AURKA: variants seen among roughly 807,000 people sequenced by gnomAD.
The protein encoded by AURKA is aurora kinase A.
In AURKA, 12 loss-of-function variants were observed where a neutral mutation model predicts 40.9. The ratio of observed to expected loss-of-function variants is 0.29; its 90% CI spans 0.19 to 0.48. The LOEUF (loss-of-function observed/expected upper bound fraction) is 0.48. AURKA is among the 20% of genes least tolerant of loss of function. The pLI is 0.99. For synonymous variants in AURKA, 170 were observed against 164.3 expected (o/e 1.03, Z -0.26); for missense variants, 322 against 462.1 (o/e 0.70, Z 2.78).
At position 56,388,142 on chromosome 20, in the gene AURKA, A is replaced by T. The variant is rs185144846; in HGVS notation, c.42+14T>A. On this transcript the variant is annotated intron_variant, in intron 2 of 8. Coordinates refer to ENST00000395915, the MANE Select transcript of AURKA (RefSeq NM_198437.3). Reference sequence around the variant, plus strand: ...TTTATAAATGTGAATGAGATTACAGATTATTCAATTTACCTTAACAGGTCC... The same window carrying T: ...TTTATAAATGTGAATGAGATTACAGTTTATTCAATTTACCTTAACAGGTCC... 112 of 1,613,770 alleles carry T rather than the reference A, an allele frequency of 6.9e-5. No individual in the cohort carries two copies. In the African/African-American group the frequency reaches 1.1e-3, roughly 17 times the overall value.
chr20:56,390,801 G>A (rs73913923), intron 1 of AURKA: 1 of 152,288 alleles, frequency 6.6e-6, no homozygotes, highest in African/African-American at 2.4e-5. Flanking sequence ...ACAGCAACAA[G>A]GAAATGCACA....
chr20:56,388,246 G>C (rs771302376), intron 1 of AURKA, 44 bp from the exon 2 acceptor site: 21 of 1,054,010 alleles, frequency 2.0e-5, no homozygotes, highest in African/African-American at 6.3e-5. Context: ...AAAGCCACCT[G>C]CTTAAAGTGC....
chr20:56,372,729 G>A (rs1158710362), intron 7 of AURKA, among the ~76,000 whole-genome samples: 2 of 151,932 alleles, frequency 1.3e-5, no homozygotes, highest in South Asian at 2.1e-4. Context: ...AAACTTCATC[G>A]GTAGATATAT....
At chr20:56,377,547 G>T (rs1985092460) in intron 6 of AURKA, among the ~76,000 whole-genome samples, 1 of 152,178 alleles carries the variant, frequency 6.6e-6, no homozygotes, top group Non-Finnish European at 1.5e-5. Context: ...CCAGCACTTT[G>T]GGAGGCCGAG....
At position 56,373,353 on chromosome 20, in the gene AURKA, G is replaced by A. The variant is rs1600677931; in HGVS notation, c.854+55C>T. On this transcript the variant is annotated intron_variant, in intron 7 of 8. Coordinates refer to ENST00000395915, the MANE Select transcript of AURKA (RefSeq NM_198437.3). This position sits in a 1 kb window ranked among gnomAD's most constrained non-coding sequence, Gnocchi z 5.0. ...TGAAATATTTTACATTTAGCTCACG[G>A]TTAGCTCCCAGGGCTTTGGTAAACC... 1.2e-6 allele frequency: 2 copies of A among 1,611,504 alleles called. No homozygotes were observed. Among genetic ancestry groups the A allele is most frequent in the Non-Finnish European group, 1.7e-6 (2 of 1,179,330 alleles).
intron 4 of AURKA, 61 bp downstream of exon 4, chr20:56,384,209 T>G: frequency 7.1e-7 from 1 of 1,408,538 alleles, no homozygotes; most frequent in Non-Finnish European, 9.9e-7. Flanking sequence ...ACAACGAAAT[T>G]TGCAACGAAA....
chr20:56,390,120 G>C (rs1248134892), intron 1 of AURKA, among the ~76,000 whole-genome samples: 1 of 152,078 alleles, frequency 6.6e-6, no homozygotes, highest in Non-Finnish European at 1.5e-5. Flanking sequence ...CAGGCCTATT[G>C]AAGTCTCACA....
intron 6 of AURKA, among the ~76,000 whole-genome samples, chr20:56,375,408 G>C (rs1348310874): frequency 6.7e-6 from 1 of 148,838 alleles, no homozygotes; most frequent in East Asian, 2.0e-4. Context: ...GCCTCTCCAA[G>C]TGCTGAGATT....
In AURKA at chr20:56,370,041, T is replaced by A; in HGVS notation, c.*117A>T. The A allele has an allele frequency of 7.6e-7, 1 of 1,311,410 alleles. No individual in the cohort carries two copies. Among genetic ancestry groups the A allele is most frequent in the Non-Finnish European group, 1.1e-6 (1 of 911,822 alleles). 81.2% of individuals were successfully genotyped at this position (1,311,410 alleles called of 1,614,324 possible). ...ACACCTGCTGAGTAAAACAAATATT[T>A]CTTGTGTAGCGTTCTAGATTGAGGG... On this transcript the variant is annotated 3_prime_UTR_variant, in exon 9 of 9. Coordinates refer to ENST00000395915, the MANE Select transcript of AURKA (RefSeq NM_198437.3).
chr20:56,380,764 C>T (rs1985608325), intron 6 of AURKA, among the ~76,000 whole-genome samples: 1 of 152,152 alleles, frequency 6.6e-6, no homozygotes, highest in South Asian at 2.1e-4. Context: ...TGCACTTTAC[C>T]TCTGATCTCC....
intron 4 of AURKA, 56 bp from the exon 5 acceptor site, chr20:56,383,232 T>A: frequency 6.4e-7 from 1 of 1,567,158 alleles, no homozygotes; most frequent in Non-Finnish European, 8.8e-7. Flanking sequence ...TTCTAACAAA[T>A]TTTCAATGAG....
chr20:56,371,188 T>A (rs140065378), intron 7 of AURKA, among the ~76,000 whole-genome samples: 1 of 151,152 alleles, frequency 6.6e-6, no homozygotes, highest in East Asian at 1.9e-4. Context: ...CCTGGCTGGG[T>A]GCAGTGGCTC....
At chr20:56,388,307 C>T in intron 1 of AURKA, 105 bp from the exon 2 acceptor site, 1 of 977,616 alleles carries the variant, frequency 1.0e-6, no homozygotes, top group Non-Finnish European at 1.6e-6. Flanking sequence ...GCCTCCACAA[C>T]ACACCGGATT....
intron 2 of AURKA, among the ~76,000 whole-genome samples, chr20:56,387,092 G>A (rs1489865841): frequency 6.6e-6 from 1 of 152,104 alleles, no homozygotes; most frequent in Non-Finnish European, 1.5e-5. Context: ...AAATGGAATT[G>A]AGCAAAAAAC....
intron 6 of AURKA, among the ~76,000 whole-genome samples, chr20:56,376,026 A>G (rs1268070963): frequency 6.6e-6 from 1 of 152,246 alleles, no homozygotes; most frequent in African/African-American, 2.4e-5. Flanking sequence ...GCTTACACCA[A>G]AACTCCATCT....
intron 6 of AURKA, among the ~76,000 whole-genome samples, chr20:56,374,776 A>C (rs918674410): frequency 6.6e-6 from 1 of 152,126 alleles, no homozygotes; most frequent in Non-Finnish European, 1.5e-5. Flanking sequence ...GGCCAGGTGC[A>C]GTGGTTCATA....
chr20:56,386,002 A>G (rs1986310549), intron 3 of AURKA, among the ~76,000 whole-genome samples: 1 of 152,176 alleles, frequency 6.6e-6, no homozygotes. Flanking sequence ...CAAGCAATCA[A>G]AAGGACACCA....
chr20:56,376,040 T>C (rs551453141), intron 6 of AURKA, among the ~76,000 whole-genome samples: 33 of 152,364 alleles, frequency 2.2e-4, no homozygotes, highest in Middle Eastern at 3.4e-3. Flanking sequence ...TCCATCTAGA[T>C]TGAAGCCTTG....
At chr20:56,378,312 T>G (rs1985216400) in intron 6 of AURKA, among the ~76,000 whole-genome samples, 1 of 152,168 alleles carries the variant, frequency 6.6e-6, no homozygotes, top group African/African-American at 2.4e-5. Context: ...CTTTATCAAT[T>G]AGAGTGCTTA....
Sources: gnomAD v4.1 joint callset for allele counts (sites outside exome capture counted in the v4.1 genomes callset) on GRCh38, gnomAD v4.1.1 for gene constraint, Gnocchi (gnomAD v3.1) non-coding constraint, MANE v1.5 for transcripts, NCBI Gene and HGNC (gene_info 2026-07-23, HGNC 2026-07-21) for gene names.